Variants in KIAA1328 observed in about 807,000 individuals in gnomAD.
KIAA1328 encodes the protein KIAA1328, also known as protein hinderin.
KIAA1328 carries 52 observed loss-of-function variants against 68.1 expected under a neutral mutation model. That is an observed-to-expected ratio of 0.76 (90% CI 0.61 to 0.96). KIAA1328 has a LOEUF of 0.96. Ranked by LOEUF, KIAA1328 falls within the 40% of genes least tolerant of loss-of-function variation. KIAA1328 has a pLI of 0.00. For missense variants in KIAA1328, 641 were observed against 677.6 expected (o/e 0.95, Z 0.60); for synonymous variants, 232 against 239.4 (o/e 0.97, Z 0.28).
intron 9 of KIAA1328, among the ~76,000 whole-genome samples, chr18:37,204,359 C>G (rs1416273881): frequency 6.6e-6 from 1 of 152,120 alleles, no homozygotes; most frequent in Non-Finnish European, 1.5e-5. Flanking sequence ...GTCACGTGAA[C>G]TTGAAAAGTA....
chr18:36,949,605 C>CCCA, intron 5 of KIAA1328, among the ~76,000 whole-genome samples: 1 of 97,394 alleles, frequency 1.0e-5, no homozygotes, highest in Non-Finnish European at 2.0e-5. Flanking sequence ...GCTCCCCCCC[C>CCCA]CCCACCCCCC....
intron 7 of KIAA1328, among the ~76,000 whole-genome samples, chr18:37,089,337 G>A (rs144016411): frequency 6.6e-4 from 93 of 140,450 alleles, no homozygotes; most frequent in African/African-American, 2.2e-3. Flanking sequence ...GTACATTTGC[G>A]TTATTCTACT....
At chr18:36,867,195 G>T (rs2047783446) in intron 4 of KIAA1328, among the ~76,000 whole-genome samples, 1 of 152,120 alleles carries the variant, frequency 6.6e-6, no homozygotes, top group Non-Finnish European at 1.5e-5. Context: ...TGCTATTCTT[G>T]TGATAGTGAG....
At chr18:37,186,820 ATT>A (rs1568510605) in intron 9 of KIAA1328, among the ~76,000 whole-genome samples, 2 of 152,146 alleles carry the variant, frequency 1.3e-5, no homozygotes, top group Non-Finnish European at 2.9e-5. Context: ...TAAGGCTTTC[ATT>A]GATTTTCTTG....
intron 6 of KIAA1328, among the ~76,000 whole-genome samples, chr18:37,001,933 A>G (rs1282595757): frequency 1.3e-5 from 2 of 152,152 alleles, no homozygotes; most frequent in South Asian, 2.1e-4. Context: ...CCTTTTCTCT[A>G]AGAACTGGAA....
At chr18:36,848,789 AT>A (rs144408489) in intron 4 of KIAA1328, among the ~76,000 whole-genome samples, 20,506 of 149,572 alleles carry the variant, frequency 0.14, 1,735 homozygotes, top group Admixed American at 0.18. Flanking sequence ...GAATTTGTCA[AT>A]TTTTTTTTAT....
chr18:37,042,358 T>C (rs948766656), intron 6 of KIAA1328, among the ~76,000 whole-genome samples: 6 of 152,230 alleles, frequency 3.9e-5, no homozygotes, highest in African/African-American at 1.4e-4. Context: ...GTAATTTCTT[T>C]CTAACCTAAA....
At chr18:36,913,978 T>G (rs940563351) in intron 5 of KIAA1328, among the ~76,000 whole-genome samples, 4 of 152,282 alleles carry the variant, frequency 2.6e-5, no homozygotes, top group East Asian at 3.9e-4. Context: ...CAAAGTAGAT[T>G]TGAGTTTTTT....
chr18:37,143,204 C>T (rs909883891), intron 7 of KIAA1328, among the ~76,000 whole-genome samples: 2 of 152,046 alleles, frequency 1.3e-5, no homozygotes, highest in Admixed American at 6.5e-5. Flanking sequence ...ATCTCCCTGC[C>T]CTGGCTTCCC....
At chr18:37,016,196 T>C (rs190405142) in intron 6 of KIAA1328, among the ~76,000 whole-genome samples, 47 of 152,344 alleles carry the variant, frequency 3.1e-4, no homozygotes, top group Middle Eastern at 3.4e-3. Context: ...ACTTTAGGGT[T>C]TTATCATGGA....
chr18:36,840,089 G>A (rs1003192722), intron 3 of KIAA1328, among the ~76,000 whole-genome samples: 3 of 152,130 alleles, frequency 2.0e-5, no homozygotes, highest in Non-Finnish European at 2.9e-5. Flanking sequence ...TGGACTCCCA[G>A]CTGTATCTTT....
chr18:37,079,837 A>G (rs1190198378), intron 7 of KIAA1328, among the ~76,000 whole-genome samples: 1 of 149,628 alleles, frequency 6.7e-6, no homozygotes, highest in African/African-American at 2.5e-5. Flanking sequence ...CAGTGAGCTG[A>G]GATTGGGCCA....
chr18:37,027,797 C>T (rs2151564535), intron 6 of KIAA1328, among the ~76,000 whole-genome samples: 1 of 152,190 alleles, frequency 6.6e-6, no homozygotes, highest in Admixed American at 6.5e-5. Context: ...CCATTCAGGA[C>T]ATAGGCATGG....
At chr18:36,852,553 G>A (rs1316691283) in intron 4 of KIAA1328, among the ~76,000 whole-genome samples, 2 of 152,122 alleles carry the variant, frequency 1.3e-5, no homozygotes, top group Non-Finnish European at 2.9e-5. Flanking sequence ...GTTCAATCAA[G>A]CAGCTGACCA....
intron 2 of KIAA1328, among the ~76,000 whole-genome samples, chr18:36,834,901 G>T (rs565351702): frequency 6.6e-5 from 10 of 152,126 alleles, no homozygotes; most frequent in Non-Finnish European, 1.2e-4. Context: ...GGATGTGGTT[G>T]CTTGATCCTG....
intron 7 of KIAA1328, among the ~76,000 whole-genome samples, chr18:37,077,340 A>T (rs943027559): frequency 9.1e-5 from 13 of 142,370 alleles, no homozygotes; most frequent in Non-Finnish European, 1.6e-4. Flanking sequence ...TCTCAAAATA[A>T]TAAGAGCTAT....
chr18:37,177,352 G>A (rs1240856152), intron 9 of KIAA1328, among the ~76,000 whole-genome samples: 1 of 152,134 alleles, frequency 6.6e-6, no homozygotes, highest in Admixed American at 6.5e-5. Flanking sequence ...GTTGGACCCT[G>A]ATAAGCAGAG....
At chr18:36,848,541 C>CTTT (rs59271370) in intron 4 of KIAA1328, among the ~76,000 whole-genome samples, 3,010 of 38,096 alleles carry the variant, frequency 0.079, 897 homozygotes, top group African/African-American at 0.33. Flanking sequence ...TCTATAGATG[C>CTTT]TTTTTTTTTT....
At chr18:36,966,690 C>T (rs2151300714) in intron 6 of KIAA1328, among the ~76,000 whole-genome samples, 1 of 152,080 alleles carries the variant, frequency 6.6e-6, no homozygotes, top group African/African-American at 2.4e-5. Context: ...TGTTGATTAC[C>T]AATGAACAAT....
Sources: allele counts gnomAD v4.1 joint callset (sites outside exome capture counted in the v4.1 genomes callset), GRCh38; gene constraint gnomAD v4.1.1; transcripts MANE v1.5; gene names NCBI Gene and HGNC (gene_info 2026-07-23, HGNC 2026-07-21).